MYO1E: variants seen among roughly 807,000 people sequenced by gnomAD.
The protein encoded by MYO1E is unconventional myosin-Ie.
Under a neutral mutation model 151.1 loss-of-function variants are expected in MYO1E, and 68 were observed. The ratio of observed to expected loss-of-function variants is 0.45; its 90% CI spans 0.37 to 0.55. The LOEUF (loss-of-function observed/expected upper bound fraction) is 0.55. MYO1E is among the 20% of genes least tolerant of loss of function. MYO1E has a pLI of 0.00. For synonymous variants in MYO1E, 601 were observed against 501.7 expected, an observed-to-expected ratio of 1.20 and a Z score of -2.64; for missense variants, 1,363 against 1,389.3, an observed-to-expected ratio of 0.98 and a Z score of 0.30.
At chr15:59,286,048 G>A (rs1488341079) in intron 1 of MYO1E, among the ~76,000 whole-genome samples, 2 of 152,194 alleles carry the variant, frequency 1.3e-5, no homozygotes. Flanking sequence ...AATAAAGACA[G>A]GGAGGTAACT....
chr15:59,218,207 C>A (rs761223997), intron 9 of MYO1E, 120 bp from the exon 10 acceptor site: 7 of 1,192,398 alleles, frequency 5.9e-6, no homozygotes, highest in Non-Finnish European at 7.3e-6. Flanking sequence ...AAGGCACAAT[C>A]ACGGGCCCCA....
chr15:59,280,659 T>G (rs1344590134), intron 1 of MYO1E, among the ~76,000 whole-genome samples: 2 of 151,606 alleles, frequency 1.3e-5, no homozygotes, highest in East Asian at 3.9e-4. Context: ...TAATCAATGA[T>G]GTGTTATAGC....
intron 1 of MYO1E, among the ~76,000 whole-genome samples, chr15:59,296,536 T>C (rs184869584): frequency 9.8e-5 from 15 of 152,298 alleles, no homozygotes; most frequent in African/African-American, 3.6e-4. Context: ...TGCCCAGCAG[T>C]TCCCTGGGCT....
At chr15:59,149,727 G>A (rs999374979) in intron 26 of MYO1E, among the ~76,000 whole-genome samples, 3 of 152,176 alleles carry the variant, frequency 2.0e-5, no homozygotes, top group Non-Finnish European at 2.9e-5. Context: ...CAGAAAAAGT[G>A]CACTGAGGGA....
chr15:59,173,652 A>G, intron 21 of MYO1E, 94 bp downstream of exon 21: 2 of 1,507,810 alleles, frequency 1.3e-6, no homozygotes, highest in South Asian at 1.1e-5. Flanking sequence ...CAACGAACAC[A>G]TTCTGATTTG....
At chr15:59,371,568 C>A (rs2080944858) in intron 1 of MYO1E, among the ~76,000 whole-genome samples, 1 of 151,984 alleles carries the variant, frequency 6.6e-6, no homozygotes, top group Admixed American at 6.6e-5. Flanking sequence ...GGGAGTGTAG[C>A]TGGACTGGGG....
At chr15:59,196,986 CTTTTTTTTTTTT>C (rs71977305) in intron 16 of MYO1E, among the ~76,000 whole-genome samples, 2 of 71,492 alleles carry the variant, frequency 2.8e-5, no homozygotes, top group African/African-American at 5.1e-5. Context: ...TTAATTACGA[CTTTTTTTTTTTT>C]TTTTTTTTTT....
chr15:59,200,887 G>A (rs2079797353), intron 16 of MYO1E, among the ~76,000 whole-genome samples: 1 of 151,912 alleles, frequency 6.6e-6, no homozygotes, highest in Non-Finnish European at 1.5e-5. Context: ...GTAACACCTT[G>A]GCAAGCACAC....
At chr15:59,244,837 C>T (rs187923303) in intron 4 of MYO1E, among the ~76,000 whole-genome samples, 1 of 152,288 alleles carries the variant, frequency 6.6e-6, no homozygotes, top group African/African-American at 2.4e-5. Context: ...AAAGCAAGTA[C>T]TCGAAAAAGA....
rs1170326395 is a variant in MYO1E, at chr15:59,163,071, C to T, written c.2627+86G>A. 11 of 1,507,682 alleles carry T rather than the reference C, an allele frequency of 7.3e-6. No individual in the cohort carries two copies. In the Admixed American group the frequency reaches 2.0e-4, roughly 28 times the overall value. 93.4% of individuals were successfully genotyped at this position (1,507,682 alleles called of 1,614,324 possible). ...CCCCACTCTTCTCCTCGCAGGCCTC[C>T]TCCAGCCCCATCCTGAATCGCAGGG... On this transcript the variant is annotated intron_variant, in intron 23 of 27. Transcript: ENST00000288235.
At chr15:59,269,687 C>T (rs935103262) in intron 2 of MYO1E, among the ~76,000 whole-genome samples, 2 of 151,850 alleles carry the variant, frequency 1.3e-5, no homozygotes, top group South Asian at 2.1e-4. Context: ...GAATGAAACC[C>T]CACCTCTACT....
intron 17 of MYO1E, among the ~76,000 whole-genome samples, chr15:59,190,454 AACC>A (rs1408546335): frequency 6.6e-6 from 1 of 152,158 alleles, no homozygotes; most frequent in African/African-American, 2.4e-5. Flanking sequence ...CTCTCACAAA[AACC>A]ACCATTTCCA....
chr15:59,358,046 TA>T (rs1395515088), intron 1 of MYO1E, among the ~76,000 whole-genome samples: 3 of 152,176 alleles, frequency 2.0e-5, no homozygotes, highest in Admixed American at 1.3e-4. Flanking sequence ...AACTGACACT[TA>T]AATACAACTG....
chr15:59,182,273 C>T (rs569089230), intron 18 of MYO1E, among the ~76,000 whole-genome samples: 16 of 152,142 alleles, frequency 1.1e-4, no homozygotes, highest in East Asian at 1.9e-4. Context: ...AGTGCAGTGG[C>T]GCAGTCTTGG....
intron 18 of MYO1E, among the ~76,000 whole-genome samples, chr15:59,185,081 CT>C (rs534029023): frequency 6.6e-6 from 1 of 151,860 alleles, no homozygotes; most frequent in Non-Finnish European, 1.5e-5. Context: ...ATCAGCATGT[CT>C]TTTTTTTGAG....
chr15:59,371,919 T>C (rs375234835), intron 1 of MYO1E, among the ~76,000 whole-genome samples: 2 of 150,530 alleles, frequency 1.3e-5, no homozygotes, highest in Admixed American at 6.6e-5. Context: ...CCGCCTGCCT[T>C]TGTGCGGCCC....
intron 6 of MYO1E, among the ~76,000 whole-genome samples, chr15:59,230,707 G>C (rs2080022872): frequency 6.6e-6 from 1 of 152,122 alleles, no homozygotes; most frequent in Admixed American, 6.6e-5. Context: ...GAACCCACCA[G>C]GGAACTTGAC....
chr15:59,139,935 TTTCA>T (rs2079399704), intron 26 of MYO1E, among the ~76,000 whole-genome samples: 1 of 152,130 alleles, frequency 6.6e-6, no homozygotes, highest in African/African-American at 2.4e-5. Flanking sequence ...CTTCCCATTC[TTTCA>T]TTATTACCCC....
chr15:59,184,270 G>C (rs566106000), intron 18 of MYO1E, among the ~76,000 whole-genome samples: 22 of 152,164 alleles, frequency 1.4e-4, no homozygotes, highest in African/African-American at 4.1e-4. Flanking sequence ...GCCTCCCAAA[G>C]TGCTGGGATA....
Sources: gnomAD v4.1 joint callset for allele counts (sites outside exome capture counted in the v4.1 genomes callset) on GRCh38, gnomAD v4.1.1 for gene constraint, MANE v1.5 for transcripts, NCBI Gene and HGNC (gene_info 2026-07-23, HGNC 2026-07-21) for gene names.